EXTL3: variants seen among roughly 807,000 people sequenced by gnomAD.
The protein encoded by EXTL3 is exostosin like glycosyltransferase 3, also known as exostosin-like 3.
A neutral mutation model predicts 69.3 loss-of-function variants in EXTL3; 27 were observed. The observed-to-expected ratio is 0.39, with a 90% CI of 0.29 to 0.54. The LOEUF is 0.54. EXTL3 is among the 20% of genes least tolerant of loss of function. The probability of loss-of-function intolerance (pLI) is 0.69; values close to 1 mark genes in which losing one functional copy is unlikely to be tolerated. For synonymous variants in EXTL3, 511 were observed against 499.4 expected, an observed-to-expected ratio of 1.02 and a Z score of -0.31; for missense variants, 1,003 against 1,231.8, an observed-to-expected ratio of 0.81 and a Z score of 2.78.
chr8:28,671,899 G>A (rs185086260), intron 1 of EXTL3, among the ~76,000 whole-genome samples: 1 of 152,246 alleles, frequency 6.6e-6, no homozygotes, highest in African/African-American at 2.4e-5. Context: ...AACTCATTTG[G>A]GAGGCTAAGG....
rs1563216697 is a variant in EXTL3, at chr8:28,719,430, CAT to C, written c.2148+1225_2148+1226del. ...CTGGGCAGCTTTAACTGACTTCACT[CAT>C]AAAGGCTTCTTGTATCCTCTCTACA... On this transcript the variant is annotated intron_variant, in intron 3 of 6. Transcript: ENST00000220562. 2.6e-5 allele frequency among the ~76,000 whole-genome samples: 4 copies of C among 152,332 alleles called. No homozygotes were observed. In the South Asian group the frequency reaches 8.3e-4, roughly 32 times the overall value.
chr8:28,665,962 A>G (rs1055611954), intron 1 of EXTL3, among the ~76,000 whole-genome samples: 2 of 152,160 alleles, frequency 1.3e-5, no homozygotes, highest in Non-Finnish European at 2.9e-5. Context: ...AGAAGCTTCC[A>G]TGGACTTCTT....
At chr8:28,620,938 C>G (rs983256773), upstream of EXTL3, among the ~76,000 whole-genome samples, 1 of 152,150 alleles carries the variant, frequency 6.6e-6, no homozygotes, top group African/African-American at 2.4e-5. Context: ...TGGTCTCTAA[C>G]TTCTGAGCTC....
chr8:28,741,830 A>G (rs886889373), intron 5 of EXTL3: 1 of 152,238 alleles, frequency 6.6e-6, no homozygotes, highest in African/African-American at 2.4e-5. Context: ...GTACTTTGCT[A>G]TAAGATAATT....
chr8:28,713,700 A>G, intron 2 of EXTL3, 150 bp downstream of exon 2: 2 of 606,142 alleles, frequency 3.3e-6, no homozygotes, highest in South Asian at 4.0e-5. Context: ...CACAAGGATA[A>G]TGTAAATTTG....
At chr8:28,727,563 CAG>C (rs1801440013) in intron 3 of EXTL3, among the ~76,000 whole-genome samples, 1 of 152,112 alleles carries the variant, frequency 6.6e-6, no homozygotes, top group Non-Finnish European at 1.5e-5. Context: ...TTTTCAGGTG[CAG>C]AGTTAGGTTG....
chr8:28,650,857 G>A (rs1806908820), intron 1 of EXTL3, among the ~76,000 whole-genome samples: 1 of 151,782 alleles, frequency 6.6e-6, no homozygotes, highest in African/African-American at 2.4e-5. Flanking sequence ...GGATAACAAG[G>A]CCTACCTTCT....
At chr8:28,686,530 T>G (rs1218585699) in intron 1 of EXTL3, among the ~76,000 whole-genome samples, 1 of 152,042 alleles carries the variant, frequency 6.6e-6, no homozygotes, top group East Asian at 1.9e-4. Context: ...AAAAAGCCAA[T>G]GTTTTGGAGT....
chr8:28,681,301 G>A (rs1010701925), intron 1 of EXTL3, among the ~76,000 whole-genome samples: 11 of 151,544 alleles, frequency 7.3e-5, no homozygotes, highest in African/African-American at 2.7e-4. Context: ...GATCACCTGA[G>A]GTCAGGAGTT....
At chr8:28,718,784 G>A (rs1372212222) in intron 3 of EXTL3, among the ~76,000 whole-genome samples, 1 of 152,232 alleles carries the variant, frequency 6.6e-6, no homozygotes, top group Non-Finnish European at 1.5e-5. Flanking sequence ...GAAGACTGGA[G>A]TTGGGGTTTG....
chr8:28,620,156 AG>A (rs147259708), upstream of EXTL3, among the ~76,000 whole-genome samples: 2,205 of 151,894 alleles, frequency 0.015, 62 homozygotes, highest in African/African-American at 0.05. Context: ...TACAGGTGTG[AG>A]CCACCGCGCC....
intron 1 of EXTL3, among the ~76,000 whole-genome samples, chr8:28,664,459 A>G (rs1409943037): frequency 6.6e-6 from 1 of 152,118 alleles, no homozygotes; most frequent in Non-Finnish European, 1.5e-5. Flanking sequence ...CATGGCTCAC[A>G]GACGTGAGCC....
intron 1 of EXTL3, among the ~76,000 whole-genome samples, chr8:28,625,293 TG>T (rs1806474144): frequency 6.6e-6 from 1 of 152,164 alleles, no homozygotes; most frequent in African/African-American, 2.4e-5. Context: ...TCTTAGACAC[TG>T]ATGAAACAGA....
chr8:28,644,811 G>A (rs369718303), intron 1 of EXTL3, among the ~76,000 whole-genome samples: 7 of 152,132 alleles, frequency 4.6e-5, no homozygotes, highest in Admixed American at 3.3e-4. Flanking sequence ...GTATGCTTCT[G>A]AATCTTTTCA....
At chr8:28,706,883 A>G (rs1206251393) in intron 1 of EXTL3, among the ~76,000 whole-genome samples, 2 of 151,452 alleles carry the variant, frequency 1.3e-5, no homozygotes, top group Non-Finnish European at 2.9e-5. Flanking sequence ...TGATTCTTAT[A>G]TAGTCAAACC....
At chr8:28,731,060 C>T (rs940466295) in intron 3 of EXTL3, among the ~76,000 whole-genome samples, 163 bp from the exon 4 acceptor site, 3 of 152,166 alleles carry the variant, frequency 2.0e-5, no homozygotes, top group African/African-American at 7.2e-5. Flanking sequence ...AAGTATAAGG[C>T]AGCTTTTATT....
At chr8:28,720,171 G>A (rs1309248019) in intron 3 of EXTL3, among the ~76,000 whole-genome samples, 1 of 152,098 alleles carries the variant, frequency 6.6e-6, no homozygotes, top group East Asian at 1.9e-4. Context: ...CATCTCGGAT[G>A]TACCCAGCTA....
chr8:28,649,588 A>G (rs1806885697), intron 1 of EXTL3, among the ~76,000 whole-genome samples: 1 of 152,084 alleles, frequency 6.6e-6, no homozygotes, highest in South Asian at 2.1e-4. Context: ...GATTGGTTGA[A>G]GTAGTTATTT....
intron 2 of EXTL3, among the ~76,000 whole-genome samples, chr8:28,616,715 G>A (rs944605907): frequency 1.3e-5 from 2 of 152,298 alleles, no homozygotes; most frequent in East Asian, 3.9e-4. Context: ...TCCTCTCTAA[G>A]TGAATTCAGT....
Sources: gnomAD v4.1 joint callset for allele counts (sites outside exome capture counted in the v4.1 genomes callset) on GRCh38, gnomAD v4.1.1 for gene constraint, MANE v1.5 for transcripts, NCBI Gene and HGNC (gene_info 2026-07-23, HGNC 2026-07-21) for gene names.